ZNF385D: variants seen among roughly 807,000 people sequenced by gnomAD.
ZNF385D encodes zinc finger protein 659.
Under a neutral mutation model 35.8 loss-of-function variants are expected in ZNF385D, and 15 were observed. That is an observed-to-expected ratio of 0.42 (90% CI 0.28 to 0.64). The LOEUF (loss-of-function observed/expected upper bound fraction) is 0.64, where lower values mean the gene tolerates loss of function less well. Among genes scored for constraint, ZNF385D ranks in the 30% least tolerant of loss-of-function variants. The pLI is 0.23. For synonymous variants in ZNF385D, 212 were observed against 186.8 expected, an observed-to-expected ratio of 1.13 and a Z score of -1.10; for missense variants, 474 against 494.6, an observed-to-expected ratio of 0.96 and a Z score of 0.39.
At chr3:22,119,632 A>G (rs904986742) in intron 3 of ZNF385D, among the ~76,000 whole-genome samples, 1 of 151,994 alleles carries the variant, frequency 6.6e-6, no homozygotes, top group African/African-American at 2.4e-5. Flanking sequence ...TTTTATAGCT[A>G]GCTTATGGTT....
At chr3:22,164,375 T>C (rs775967742) in intron 3 of ZNF385D, among the ~76,000 whole-genome samples, 24 of 151,752 alleles carry the variant, frequency 1.6e-4, no homozygotes, top group African/African-American at 5.6e-4. Context: ...ACTACAGGCA[T>C]GCGCCACCAC....
At chr3:21,930,408 C>T (rs1700946284) in intron 3 of ZNF385D, among the ~76,000 whole-genome samples, 1 of 151,752 alleles carries the variant, frequency 6.6e-6, no homozygotes, top group African/African-American at 2.4e-5. Context: ...ACACCAAAAA[C>T]ACAAGCAACA....
Position 21,985,810 on chromosome 3 carries a change from G to A in ZNF385D, c.325+183007C>T, listed in dbSNP as rs1205579536. Reference sequence around the variant, plus strand: ...TCCATCTGGTCCTGGACTCTTTTTGGTTGGTAAACTATTGATTATTGCCAC... The same window carrying A: ...TCCATCTGGTCCTGGACTCTTTTTGATTGGTAAACTATTGATTATTGCCAC... On this transcript the variant is annotated intron_variant, in intron 3 of 5. Coordinates refer to the ZNF385D transcript ENST00000494108. Among the ~76,000 whole-genome samples, 8 of 107,322 alleles carry A rather than the reference G, an allele frequency of 7.5e-5. No homozygotes were observed. In the South Asian group the frequency reaches 1.8e-3, roughly 25 times the overall value. 70.4% of individuals were successfully genotyped at this position (107,322 alleles called of 152,430 possible). A position where few individuals can be genotyped will look rare whatever the true frequency, so the allele number is the denominator to read the frequency against.
At chr3:21,678,946 T>G (rs1461820205) in intron 1 of ZNF385D, among the ~76,000 whole-genome samples, 6 of 152,038 alleles carry the variant, frequency 3.9e-5, no homozygotes, top group African/African-American at 1.4e-4. Flanking sequence ...TTTTGTAAAT[T>G]TATGTTGTTC....
At chr3:22,081,905 G>GTATATAAA (rs1559354293) in intron 3 of ZNF385D, among the ~76,000 whole-genome samples, 3 of 151,512 alleles carry the variant, frequency 2.0e-5, no homozygotes, top group Non-Finnish European at 4.4e-5. Flanking sequence ...AGCTAACACA[G>GTATATAAA]TGATCTTATC....
At chr3:22,065,439 A>G (rs34389710) in intron 3 of ZNF385D, among the ~76,000 whole-genome samples, 2 of 152,184 alleles carry the variant, frequency 1.3e-5, no homozygotes, top group Non-Finnish European at 2.9e-5. Flanking sequence ...AGGCAGCTGG[A>G]ACTCTCTACA....
intron 4 of ZNF385D, among the ~76,000 whole-genome samples, chr3:21,466,299 G>T (rs946959330): frequency 1.3e-5 from 2 of 152,040 alleles, no homozygotes; most frequent in Non-Finnish European, 2.9e-5. Context: ...CTTTCACTTT[G>T]CCTACTCCTT....
chr3:22,340,232 T>C (rs1200176946), intron 2 of ZNF385D, among the ~76,000 whole-genome samples: 2 of 152,206 alleles, frequency 1.3e-5, no homozygotes, highest in South Asian at 2.1e-4. Flanking sequence ...ATTGCCACTT[T>C]GAAATAAATG....
At chr3:22,336,343 CTTTTT>C (rs928800973) in intron 2 of ZNF385D, among the ~76,000 whole-genome samples, 3 of 152,004 alleles carry the variant, frequency 2.0e-5, no homozygotes, top group Admixed American at 1.3e-4. Flanking sequence ...AAACTTAATT[CTTTTT>C]TTATTTGTTC....
At chr3:21,637,563 T>G (rs1224567324) in intron 2 of ZNF385D, among the ~76,000 whole-genome samples, 1 of 152,228 alleles carries the variant, frequency 6.6e-6, no homozygotes, top group East Asian at 1.9e-4. Context: ...ATTTGTTATT[T>G]TTGCTTAGTC....
rs189839424 is a variant in ZNF385D, at chr3:22,363,852, T to C, written c.106+8598A>G. Among the ~76,000 whole-genome samples the C allele has an allele frequency of 2.9e-3, 434 of 152,214 alleles. 2 individuals are homozygous for C. Among genetic ancestry groups the C allele is most frequent in the African/African-American group, 9.9e-3 (412 of 41,554 alleles). ...CAGAGTACTGCATAGATCACATTTA[T>C]ACAACTCAATTAATTTTTACAAGTC... is the stretch of plus-strand genomic sequence containing the variant. On this transcript the variant is annotated intron_variant, in intron 2 of 5. Transcript: ENST00000494108.
At chr3:22,004,320 T>A (rs1388719013) in intron 3 of ZNF385D, among the ~76,000 whole-genome samples, 2 of 152,088 alleles carry the variant, frequency 1.3e-5, no homozygotes, top group African/African-American at 4.8e-5. Context: ...GACTCAATAC[T>A]ATAAAATTAG....
intron 3 of ZNF385D, among the ~76,000 whole-genome samples, chr3:21,904,363 T>C (rs1430582292): frequency 1.3e-5 from 2 of 150,780 alleles, no homozygotes; most frequent in Middle Eastern, 3.5e-3. Context: ...ATTTTAACTA[T>C]GAAGAGTATA....
chr3:21,634,932 C>T (rs891112399), intron 2 of ZNF385D, among the ~76,000 whole-genome samples: 7 of 151,804 alleles, frequency 4.6e-5, no homozygotes, highest in Non-Finnish European at 1.0e-4. Flanking sequence ...TGAATTTATT[C>T]ATACATATCA....
chr3:22,146,173 T>C (rs556384661), intron 3 of ZNF385D, among the ~76,000 whole-genome samples: 1 of 152,206 alleles, frequency 6.6e-6, no homozygotes, highest in African/African-American at 2.4e-5. Context: ...AACCATCTGG[T>C]CTACTAAAAA....
At chr3:21,549,919 C>T (rs550580033) in intron 3 of ZNF385D, among the ~76,000 whole-genome samples, 212 of 152,266 alleles carry the variant, frequency 1.4e-3, no homozygotes, top group Non-Finnish European at 2.3e-3. Flanking sequence ...TTTTAATAGA[C>T]ACAGTTTTGA....
chr3:22,238,318 T>C (rs973904119), intron 2 of ZNF385D, among the ~76,000 whole-genome samples: 2 of 151,122 alleles, frequency 1.3e-5, no homozygotes, highest in Admixed American at 6.6e-5. Flanking sequence ...TCCATATGAA[T>C]TTTAAGATTA....
intron 1 of ZNF385D, among the ~76,000 whole-genome samples, chr3:21,730,224 C>A (rs561092576): frequency 6.6e-6 from 1 of 152,254 alleles, no homozygotes; most frequent in South Asian, 2.1e-4. Flanking sequence ...CAGCACTATA[C>A]CAGCGATGAC....
chr3:21,916,403 T>G (rs1286213396), intron 3 of ZNF385D, among the ~76,000 whole-genome samples: 1 of 152,178 alleles, frequency 6.6e-6, no homozygotes, highest in Non-Finnish European at 1.5e-5. Context: ...GCTTTACTGA[T>G]TCTAATGCAT....
Sources: allele counts gnomAD v4.1 joint callset (sites outside exome capture counted in the v4.1 genomes callset), GRCh38; gene constraint gnomAD v4.1.1; transcripts MANE v1.5; gene names NCBI Gene and HGNC (gene_info 2026-07-23, HGNC 2026-07-21).